The following DIP2B variants were observed in gnomAD, a reference collection of about 807,000 sequenced individuals.
The protein encoded by DIP2B is disco-interacting protein 2 homolog B.
In DIP2B, 76 loss-of-function variants were observed where a neutral mutation model predicts 198.0. The observed-to-expected ratio is 0.38, with a 90% CI of 0.32 to 0.46. DIP2B has a LOEUF of 0.46. Ranked by LOEUF, DIP2B falls within the 20% of genes least tolerant of loss-of-function variation. The pLI, the probability that DIP2B is intolerant of heterozygous loss-of-function variation, is 0.99. For synonymous variants in DIP2B, 701 were observed against 739.1 expected, an observed-to-expected ratio of 0.95 and a Z score of 0.84; for missense variants, 1,559 against 1,978.4, an observed-to-expected ratio of 0.79 and a Z score of 4.02.
At chr12:50,731,189 T>C (rs1241135530) in intron 30 of DIP2B, among the ~76,000 whole-genome samples, 180 bp from the exon 31 acceptor site, 1 of 152,262 alleles carries the variant, frequency 6.6e-6, no homozygotes, top group Non-Finnish European at 1.5e-5. Context: ...GTCTGCTTTA[T>C]TTCATAGTTG....
In DIP2B at chr12:50,679,746, C is replaced by G. The variant is rs1461067040; in HGVS notation, c.1114+870C>G. The G allele has an allele frequency of 2.0e-5, 3 of 152,090 alleles. No individual in the cohort carries two copies. The South Asian group carries it at 6.2e-4, about 32-fold the overall frequency. 9.4% of individuals were successfully genotyped at this position (152,090 alleles called of 1,614,324 possible). The stretch of plus-strand genomic sequence containing the variant: ...CCCTTAAAGAAAGCATTTAGCTGGC[C>G]AAATCTTTGCATGTTTATTTAACAT... On this transcript the variant is annotated intron_variant, in intron 8 of 37. Transcript: ENST00000301180.
At chr12:50,584,700 A>T (rs1958755440) in intron 1 of DIP2B, among the ~76,000 whole-genome samples, 1 of 152,014 alleles carries the variant, frequency 6.6e-6, no homozygotes, top group Admixed American at 6.6e-5. Flanking sequence ...AGTAGCTGGG[A>T]TTACAGATGT....
intron 1 of DIP2B, among the ~76,000 whole-genome samples, chr12:50,615,842 C>A (rs140036302): frequency 1.3e-5 from 2 of 152,260 alleles, no homozygotes; most frequent in African/African-American, 4.8e-5. Flanking sequence ...GCGTTCGAAC[C>A]CAGATCTGTT....
At chr12:50,726,804 T>A (rs755528571) in intron 28 of DIP2B, among the ~76,000 whole-genome samples, 1 of 151,908 alleles carries the variant, frequency 6.6e-6, no homozygotes, top group African/African-American at 2.4e-5. Flanking sequence ...CCCAGATAGA[T>A]TACTATTCTT....
chr12:50,730,103 CCTAA>C (rs940248880), intron 30 of DIP2B, among the ~76,000 whole-genome samples: 5 of 152,160 alleles, frequency 3.3e-5, no homozygotes, highest in Non-Finnish European at 7.3e-5. Flanking sequence ...TGCAGCCTCT[CCTAA>C]CTGTCTCTCA....
At chr12:50,642,296 A>G (rs1262339938) in intron 3 of DIP2B, among the ~76,000 whole-genome samples, 1 of 152,160 alleles carries the variant, frequency 6.6e-6, no homozygotes, top group Non-Finnish European at 1.5e-5. Flanking sequence ...GAGGTGGGAG[A>G]TGAGGCTAGA....
chr12:50,678,670 C>G lies in DIP2B; in HGVS notation c.917-9C>G, dbSNP rs768065352. The G allele has an allele frequency of 9.9e-6, 16 of 1,611,200 alleles. No individual in the cohort carries two copies. The highest frequency in any genetic ancestry group is 5.0e-5 in the Admixed American group (3 of 59,632). On this transcript the variant is annotated splice_polypyrimidine_tract_variant and intron_variant, in intron 7 of 37. Coordinates refer to ENST00000301180, the MANE Select transcript of DIP2B (RefSeq NM_173602.3). The stretch of plus-strand genomic sequence containing the variant: ...ACTCATTTCACTCATTGGGATTTTC[C>G]TGGTACAGTACCTCAGCCAGACCCC...
intron 23 of DIP2B, among the ~76,000 whole-genome samples, chr12:50,718,056 C>T (rs1023511627): frequency 2.5e-4 from 38 of 152,014 alleles, no homozygotes; most frequent in Non-Finnish European, 2.5e-4. Context: ...TGTACCACCA[C>T]GCCCAGCTCA....
chr12:50,655,533 A>G (rs1938539786), intron 3 of DIP2B, among the ~76,000 whole-genome samples: 2 of 152,252 alleles, frequency 1.3e-5, no homozygotes, highest in African/African-American at 2.4e-5. Context: ...TATGTGAACT[A>G]TATAACCACA....
At chr12:50,551,991 T>C (rs1036712224) in intron 1 of DIP2B, among the ~76,000 whole-genome samples, 1 of 152,176 alleles carries the variant, frequency 6.6e-6, no homozygotes, top group African/African-American at 2.4e-5. Flanking sequence ...TTCCCTACTG[T>C]TTTTTATAGT....
chr12:50,713,249 G>A (rs765053337), intron 22 of DIP2B, among the ~76,000 whole-genome samples: 2 of 152,070 alleles, frequency 1.3e-5, no homozygotes, highest in Non-Finnish European at 2.9e-5. Context: ...TACCCGGCCT[G>A]GTTTTATTTT....
chr12:50,651,848 C>T (rs977446770), intron 3 of DIP2B, among the ~76,000 whole-genome samples: 7 of 152,082 alleles, frequency 4.6e-5, no homozygotes, highest in Admixed American at 4.6e-4. Context: ...GGGATTACTT[C>T]TGTGAGCCAC....
intron 12 of DIP2B, among the ~76,000 whole-genome samples, chr12:50,687,255 G>T (rs1939147208): frequency 6.6e-6 from 1 of 152,092 alleles, no homozygotes; most frequent in African/African-American, 2.4e-5. Context: ...GTGAGGTTTG[G>T]ATTATTACTA....
intron 1 of DIP2B, among the ~76,000 whole-genome samples, chr12:50,529,357 T>C (rs1472014381): frequency 1.3e-5 from 2 of 152,178 alleles, no homozygotes; most frequent in Non-Finnish European, 2.9e-5. Flanking sequence ...GGGAGACATG[T>C]TCAAGTACTT....
chr12:50,563,486 CTT>C (rs71083598), intron 1 of DIP2B, among the ~76,000 whole-genome samples: 38 of 115,478 alleles, frequency 3.3e-4, no homozygotes, highest in Admixed American at 4.9e-4. Context: ...TGCACCTGGC[CTT>C]TTTTTTTTTT....
intron 1 of DIP2B, among the ~76,000 whole-genome samples, chr12:50,517,077 C>T (rs867686220): frequency 3.7e-4 from 56 of 152,012 alleles, no homozygotes; most frequent in African/African-American, 9.2e-4. Flanking sequence ...CCACCACGCC[C>T]GGCTAATTTT....
intron 3 of DIP2B, among the ~76,000 whole-genome samples, chr12:50,654,583 C>T (rs897684584): frequency 1.3e-5 from 2 of 152,088 alleles, no homozygotes; most frequent in African/African-American, 4.8e-5. Context: ...TACCCTTGGG[C>T]TCATGCAGTC....
chr12:50,618,907 T>A (rs1937751875), intron 1 of DIP2B, among the ~76,000 whole-genome samples: 1 of 152,190 alleles, frequency 6.6e-6, no homozygotes, highest in Non-Finnish European at 1.5e-5. Flanking sequence ...CACTTGTACT[T>A]TTATTGTAAT....
chr12:50,655,033 C>G (rs1172702742), intron 3 of DIP2B: 14 of 453,332 alleles, frequency 3.1e-5, no homozygotes, highest in Non-Finnish European at 2.2e-5. Flanking sequence ...TCAGAATTTA[C>G]TCTGAAGGTA....
Sources: gnomAD v4.1 joint callset for allele counts (sites outside exome capture counted in the v4.1 genomes callset) on GRCh38, gnomAD v4.1.1 for gene constraint, MANE v1.5 for transcripts, NCBI Gene and HGNC (gene_info 2026-07-23, HGNC 2026-07-21) for gene names.